The following RAD18 variants were observed in gnomAD, a reference collection of about 807,000 sequenced individuals.
RAD18 encodes E3 ubiquitin-protein ligase RAD18.
RAD18 carries 47 observed loss-of-function variants against 60.4 expected under a neutral mutation model. The ratio of observed to expected loss-of-function variants is 0.78; its 90% CI spans 0.62 to 0.99. The LOEUF (loss-of-function observed/expected upper bound fraction) is 0.99, where lower values mean the gene tolerates loss of function less well. RAD18 is among the 50% of genes least tolerant of loss of function. RAD18 has a pLI of 0.00. For missense variants in RAD18, 640 were observed against 593.3 expected, an observed-to-expected ratio of 1.08 and a Z score of -0.82; for synonymous variants, 225 against 195.5, an observed-to-expected ratio of 1.15 and a Z score of -1.26.
rs1939434961 is a variant in RAD18, at chr3:8,880,291, G to C, written c.*1066C>G. ...TTTGGAAGGGGAGGTCATAAATGTT[G>C]AATCTGGCAAATCATAAATTTCTTG... On this transcript the variant is annotated 3_prime_UTR_variant, in exon 13 of 13. Transcript: ENST00000264926. 1 of 152,192 alleles carries C rather than the reference G, an allele frequency of 6.6e-6. No individual in the cohort carries two copies. Among genetic ancestry groups the C allele is most frequent in the Admixed American group, 6.5e-5 (1 of 15,280 alleles). 9.4% of individuals were successfully genotyped at this position (152,192 alleles called of 1,614,324 possible).
At position 8,933,648 on chromosome 3, in the gene RAD18, G is replaced by A. The variant is rs192814240; in HGVS notation, c.889+2223C>T. Among the ~76,000 whole-genome samples the A allele has an allele frequency of 2.5e-3, 388 of 152,252 alleles. 1 individual carries two copies. The highest frequency in any genetic ancestry group is 4.6e-3 in the Non-Finnish European group (314 of 68,018). On this transcript the variant is annotated intron_variant, in intron 7 of 12. Coordinates refer to ENST00000264926, the MANE Select transcript of RAD18 (RefSeq NM_020165.4). Reference sequence around the variant, plus strand: ...AGAATAACTCTTTAAAAAGATGTGTGAGACCTTCACACTGAAAATTGCAAA... The same window carrying A: ...AGAATAACTCTTTAAAAAGATGTGTAAGACCTTCACACTGAAAATTGCAAA...
chr3:8,902,908 C>T (rs1260839786), intron 9 of RAD18, among the ~76,000 whole-genome samples: 1 of 151,986 alleles, frequency 6.6e-6, no homozygotes. Context: ...TGCCTATAAT[C>T]CCAGCTACTT....
chr3:8,901,670 T>G (rs1333079161), intron 10 of RAD18, among the ~76,000 whole-genome samples: 1 of 152,160 alleles, frequency 6.6e-6, no homozygotes, highest in East Asian at 1.9e-4. Flanking sequence ...AGTTGCTATT[T>G]CATGAGTGCA....
Position 8,956,750 on chromosome 3 carries a change from T to TAAAAAAAAAAA in RAD18, c.133+2159_133+2169dup, listed in dbSNP as rs59945420. Among the ~76,000 whole-genome samples, 87 of 137,756 alleles carry TAAAAAAAAAAA rather than the reference T, an allele frequency of 6.3e-4. 5 individuals are homozygous for TAAAAAAAAAAA. The highest frequency in any genetic ancestry group is 9.9e-4 in the African/African-American group (31 of 31,294). The allele number at this position is 137,756 out of a possible 152,430, so 90.4% of individuals were successfully genotyped here. A position where few individuals can be genotyped will look rare whatever the true frequency, so the allele number is the denominator to read the frequency against. ...CAAAATTCAACACCCATTCATGATT[T>TAAAAAAAAAAA]AAAAAAAAAAATCCTCTCGCCTAAC... is the stretch of plus-strand genomic sequence containing the variant. On this transcript the variant is annotated intron_variant, in intron 2 of 12. Transcript: ENST00000264926.
chr3:8,877,922 C>T lies in RAD18; in HGVS notation c.*3435G>A, dbSNP rs531377187. The T allele has an allele frequency of 2.0e-5, 3 of 152,338 alleles. No individual in the cohort carries two copies. Among genetic ancestry groups the T allele is most frequent in the African/African-American group, 7.2e-5 (3 of 41,550 alleles). 9.4% of individuals were successfully genotyped at this position (152,338 alleles called of 1,614,324 possible). On this transcript the variant is annotated 3_prime_UTR_variant, in exon 13 of 13. Coordinates refer to ENST00000264926, the MANE Select transcript of RAD18 (RefSeq NM_020165.4). The stretch of plus-strand genomic sequence containing the variant: ...ACGCTGTGGTCCGGGTGATAGTACA[C>T]TAGCAAACCAGGAAAGCACACTCCC...
At chr3:8,944,802 A>G (rs2124833694) in intron 4 of RAD18, among the ~76,000 whole-genome samples, 1 of 152,290 alleles carries the variant, frequency 6.6e-6, no homozygotes, top group African/African-American at 2.4e-5. Flanking sequence ...CATTAAATCT[A>G]TGCAATCAAT....
At chr3:8,921,262 C>A (rs775996393) in intron 7 of RAD18, among the ~76,000 whole-genome samples, 1 of 152,144 alleles carries the variant, frequency 6.6e-6, no homozygotes, top group Non-Finnish European at 1.5e-5. Context: ...CTATAAACTT[C>A]CAAATAAAAA....
chr3:8,962,927 G>A (rs193162356), intron 1 of RAD18, among the ~76,000 whole-genome samples: 1 of 152,184 alleles, frequency 6.6e-6, no homozygotes, highest in African/African-American at 2.4e-5. Context: ...TACCTGCTTG[G>A]CTACGTGATT....
intron 11 of RAD18, 88 bp from the exon 12 acceptor site, chr3:8,890,539 T>C: frequency 9.8e-7 from 1 of 1,018,926 alleles, no homozygotes; most frequent in Non-Finnish European, 1.5e-6. Context: ...AACAAATGAG[T>C]CTATAGTGAC....
chr3:8,902,419 CTTTT>C lies in RAD18; in HGVS notation c.1125_1128del (p.Glu377MetfsTer18). 1 of 1,609,470 alleles carries C rather than the reference CTTTT, an allele frequency of 6.2e-7. No individual in the cohort carries two copies. The highest frequency in any genetic ancestry group is 8.5e-7 in the Non-Finnish European group (1 of 1,177,326). On this transcript the variant is annotated frameshift_variant, in exon 10 of 13. Transcript: ENST00000264926. LOFTEE classifies it high-confidence loss of function. Reference sequence around the variant, plus strand: ...GATAGCTTTTCTGTAGATTCATCTTCTTTTGTTATTGTTACTGTTTTTTGTGACA... The same window carrying C: ...GATAGCTTTTCTGTAGATTCATCTTCGTTATTGTTACTGTTTTTTGTGACA...
At chr3:8,950,027 TTTG>T (rs1940903715) in intron 2 of RAD18, among the ~76,000 whole-genome samples, 1 of 151,892 alleles carries the variant, frequency 6.6e-6, no homozygotes, top group African/African-American at 2.4e-5. Flanking sequence ...TTTTTTTTGT[TTTG>T]TTTTGTTTTT....
chr3:8,903,936 A>G (rs1939959399), intron 9 of RAD18, among the ~76,000 whole-genome samples: 1 of 151,884 alleles, frequency 6.6e-6, no homozygotes, highest in South Asian at 2.1e-4. Context: ...GCTTCAGTTG[A>G]ACTATGGCAT....
intron 12 of RAD18, among the ~76,000 whole-genome samples, chr3:8,882,708 C>T (rs1939492148): frequency 6.6e-6 from 1 of 152,154 alleles, no homozygotes; most frequent in African/African-American, 2.4e-5. Flanking sequence ...GAGAAAAACC[C>T]TCTGGCAATC....
chr3:8,947,142 C>A, intron 4 of RAD18, 78 bp downstream of exon 4: 2 of 1,113,330 alleles, frequency 1.8e-6, no homozygotes, highest in East Asian at 2.4e-5. Context: ...TTCCCTAATC[C>A]AAAGGTGCAC....
At chr3:8,925,552 C>T (rs1417607210) in intron 7 of RAD18, among the ~76,000 whole-genome samples, 1 of 152,212 alleles carries the variant, frequency 6.6e-6, no homozygotes, top group Non-Finnish European at 1.5e-5. Context: ...TCCTCCCTAA[C>T]TCATTTTATG....
At chr3:8,924,099 T>C (rs1940380420) in intron 7 of RAD18, among the ~76,000 whole-genome samples, 1 of 152,156 alleles carries the variant, frequency 6.6e-6, no homozygotes, top group Non-Finnish European at 1.5e-5. Context: ...ATGCTCCAAT[T>C]AAAAGACACA....
chr3:8,914,570 G>A (rs17049760), intron 7 of RAD18, among the ~76,000 whole-genome samples: 4,994 of 152,138 alleles, frequency 0.033, 251 homozygotes, highest in East Asian at 0.21. Flanking sequence ...TTAAACCACA[G>A]ACCTTATGAC....
chr3:8,911,182 C>T (rs1163219468), intron 9 of RAD18, among the ~76,000 whole-genome samples: 2 of 152,132 alleles, frequency 1.3e-5, no homozygotes, highest in African/African-American at 4.8e-5. Context: ...TAAATTAATA[C>T]CACCTATTTA....
intron 2 of RAD18, among the ~76,000 whole-genome samples, chr3:8,954,662 T>A (rs184419189): frequency 6.6e-6 from 1 of 152,296 alleles, no homozygotes; most frequent in Admixed American, 6.5e-5. Context: ...TGTTTATTAC[T>A]CATATCCAAA....
Sources: allele counts gnomAD v4.1 joint callset (sites outside exome capture counted in the v4.1 genomes callset), GRCh38; gene constraint gnomAD v4.1.1; transcripts MANE v1.5; gene names NCBI Gene and HGNC (gene_info 2026-07-23, HGNC 2026-07-21).